The following KRT72 variants were observed in gnomAD, a reference collection of about 807,000 sequenced individuals.
The protein encoded by KRT72 is keratin 72.
A neutral mutation model predicts 44.7 loss-of-function variants in KRT72; 44 were observed. The observed-to-expected ratio is 0.98, with a 90% CI of 0.77 to 1.27. KRT72 has a LOEUF of 1.27. KRT72 is among the 50% of genes most tolerant of loss of function. The pLI is 0.00. For missense variants in KRT72, 736 were observed against 667.1 expected, an observed-to-expected ratio of 1.10 and a Z score of -1.14; for synonymous variants, 302 against 280.4, an observed-to-expected ratio of 1.08 and a Z score of -0.77.
At chr12:52,598,810 G>T (rs1592233112) in intron 2 of KRT72, 88 bp downstream of exon 2, 1 of 1,140,932 alleles carries the variant, frequency 8.8e-7, no homozygotes, top group East Asian at 2.4e-5. Flanking sequence ...GTATCAGCAA[G>T]GATCTCAGAA....
chr12:52,598,391 A>T (rs1326577250), intron 2 of KRT72, among the ~76,000 whole-genome samples: 2 of 152,236 alleles, frequency 1.3e-5, no homozygotes, highest in Admixed American at 6.5e-5. Context: ...TTGATTTATT[A>T]CTGTCTCATA....
At chr12:52,597,728 A>G (rs990982593) in intron 2 of KRT72, among the ~76,000 whole-genome samples, 6 of 152,186 alleles carry the variant, frequency 3.9e-5, no homozygotes, top group Admixed American at 3.9e-4. Flanking sequence ...TTTGTGTAGC[A>G]CTTGGATTCT....
chr12:52,595,927 C>T (rs887068896), intron 2 of KRT72, among the ~76,000 whole-genome samples: 2 of 138,572 alleles, frequency 1.4e-5, no homozygotes, highest in African/African-American at 2.9e-5. Context: ...TTAATTTTTG[C>T]TTTCAAAAAA....
At chr12:52,593,693 A>AG (rs1027305494) in intron 2 of KRT72, among the ~76,000 whole-genome samples, 3 of 151,998 alleles carry the variant, frequency 2.0e-5, no homozygotes, top group Non-Finnish European at 2.9e-5. Context: ...AGAAAGAAAA[A>AG]AAATTCTACA....
At chr12:52,598,811 G>T in intron 2 of KRT72, 87 bp downstream of exon 2, 1 of 1,155,128 alleles carries the variant, frequency 8.7e-7, no homozygotes. Context: ...TATCAGCAAG[G>T]ATCTCAGAAG....
chr12:52,586,913 C>T lies in KRT72; in HGVS notation c.1345+33G>A. The T allele has an allele frequency of 2.5e-6, 4 of 1,606,538 alleles. No individual in the cohort carries two copies. In the South Asian group the frequency reaches 3.3e-5, roughly 13 times the overall value. ...GGGACTCGGACTTCTGGTAAGGTGACCAAGGGCAGAACTGAGATCTGCAGA... is the reference window on the plus strand; with the variant it reads ...GGGACTCGGACTTCTGGTAAGGTGATCAAGGGCAGAACTGAGATCTGCAGA... On this transcript the variant is annotated intron_variant, in intron 8 of 8. Coordinates refer to ENST00000293745, the MANE Select transcript of KRT72 (RefSeq NM_080747.3).
At chr12:52,596,132 T>C (rs964114325) in intron 2 of KRT72, among the ~76,000 whole-genome samples, 10 of 152,272 alleles carry the variant, frequency 6.6e-5, no homozygotes, top group East Asian at 1.9e-4. Context: ...AACAAATAAG[T>C]TGTGTCAATC....
Position 52,585,778 on chromosome 12 carries a change from CAAG to C in KRT72, c.*201_*203del. ...AGGCAATGACCCAACGAAACGGGAC[CAAG>C]AAGGAGGCCACTGAGAGAGCTCCTG... On this transcript the variant is annotated 3_prime_UTR_variant, in exon 9 of 9. Transcript: ENST00000293745. 3 of 563,398 alleles carry C rather than the reference CAAG, an allele frequency of 5.3e-6. No homozygotes were observed. Among genetic ancestry groups the C allele is most frequent in the Middle Eastern group, 9.7e-4 (2 of 2,072 alleles). The allele number at this position is 563,398 out of a possible 1,614,324, so 34.9% of individuals were successfully genotyped here. A position where few individuals can be genotyped will look rare whatever the true frequency, so the allele number is the denominator to read the frequency against.
chr12:52,593,066 T>G, intron 2 of KRT72, 114 bp from the exon 3 acceptor site: 1 of 852,068 alleles, frequency 1.2e-6, no homozygotes, highest in Non-Finnish European at 1.8e-6. Flanking sequence ...GGGATTCCCA[T>G]ACCCCTGGGG....
In KRT72 at chr12:52,591,554, G is replaced by A. The variant is rs758019493; in HGVS notation, c.873C>T (p.Asp291=). The A allele has an allele frequency of 1.2e-6, 2 of 1,614,062 alleles. No individual in the cohort carries two copies. The highest frequency in any genetic ancestry group is 1.1e-5 in the South Asian group (1 of 91,074). Residue 291 remains aspartate, a synonymous_variant, in exon 5 of 9, where the codon GAC becomes GAT. Transcript: ENST00000293745. ...VLSMDNNRDL[D]LDSIIAEVRA... ...GGACCTCGGCAATGATGCTGTCCAG[G>A]TCCAGATCCCGGTTGTTGTCCATTG...
chr12:52,601,861 G>A (rs73320369), upstream of KRT72, among the ~76,000 whole-genome samples: 2,599 of 152,308 alleles, frequency 0.017, 58 homozygotes, highest in African/African-American at 0.059. Flanking sequence ...GGAGGTGTGT[G>A]AAGCAGAAGT....
chr12:52,598,341 T>A (rs1246518597), intron 2 of KRT72, among the ~76,000 whole-genome samples: 2 of 152,210 alleles, frequency 1.3e-5, no homozygotes, highest in Non-Finnish European at 2.9e-5. Context: ...AATCCTGGCA[T>A]CTGGAAGCAA....
Position 52,592,239 on chromosome 12 carries a change from A to G in KRT72, c.798+157T>C, listed in dbSNP as rs1296418057. Among the ~76,000 whole-genome samples, 9 of 152,072 alleles carry G rather than the reference A, an allele frequency of 5.9e-5. No individual in the cohort carries two copies. In the East Asian group the frequency reaches 1.7e-3, roughly 29 times the overall value. ...TCACGGACTCCTCAAAACCTAGCTC[A>G]TTGTTCAGCACCCAGTAGGGCCTTG... is the stretch of plus-strand genomic sequence containing the variant. On this transcript the variant is annotated intron_variant, in intron 4 of 8. Coordinates refer to ENST00000293745, the MANE Select transcript of KRT72 (RefSeq NM_080747.3).
At chr12:52,596,373 GAA>G (rs983984050) in intron 2 of KRT72, among the ~76,000 whole-genome samples, 1 of 151,968 alleles carries the variant, frequency 6.6e-6, no homozygotes, top group Admixed American at 6.6e-5. Flanking sequence ...AAGCCACTTA[GAA>G]AAAAATCTGC....
At position 52,587,507 on chromosome 12, in the gene KRT72, C is replaced by G. The variant is rs923891938; in HGVS notation, c.1310+124G>C. ...AACTTTGGCCTTCCTAATCATGTGA[C>G]AAGCCCATTTGCTGTATGGTTTTAC... On this transcript the variant is annotated intron_variant, in intron 7 of 8. Coordinates refer to ENST00000293745, the MANE Select transcript of KRT72 (RefSeq NM_080747.3). 7 of 1,032,414 alleles carry G rather than the reference C, an allele frequency of 6.8e-6. No homozygotes were observed. In the Admixed American group the frequency reaches 1.5e-4, roughly 22 times the overall value. The allele number at this position is 1,032,414 out of a possible 1,614,324, so 64.0% of individuals were successfully genotyped here. A position where few individuals can be genotyped will look rare whatever the true frequency, so the allele number is the denominator to read the frequency against.
chr12:52,594,050 T>C (rs1940150360), intron 2 of KRT72, among the ~76,000 whole-genome samples: 1 of 152,254 alleles, frequency 6.6e-6, no homozygotes, highest in Non-Finnish European at 1.5e-5. Context: ...TATATGTATT[T>C]TACCATAGTA....
At chr12:52,595,976 T>C (rs1940215446) in intron 2 of KRT72, among the ~76,000 whole-genome samples, 1 of 138,812 alleles carries the variant, frequency 7.2e-6, no homozygotes, top group African/African-American at 2.9e-5. Context: ...TGGTTAAACA[T>C]GATCTTTAAT....
intron 3 of KRT72, 137 bp downstream of exon 3, chr12:52,592,755 G>A: frequency 1.4e-6 from 1 of 737,452 alleles, no homozygotes; most frequent in Non-Finnish European, 2.3e-6. Flanking sequence ...GGAGGGAGGG[G>A]CTGGGAAGTT....
Position 52,585,902 on chromosome 12 carries a change from G to T in KRT72, c.*80C>A. On this transcript the variant is annotated 3_prime_UTR_variant, in exon 9 of 9. Coordinates refer to ENST00000293745, the MANE Select transcript of KRT72 (RefSeq NM_080747.3). Reference sequence around the variant, plus strand: ...TGACAGACAAAGCATTTCTTGACTTGGAAAGGGAGCCCAGGGAAGGAGAGG... The same window carrying T: ...TGACAGACAAAGCATTTCTTGACTTTGAAAGGGAGCCCAGGGAAGGAGAGG... The T allele has an allele frequency of 2.3e-6, 3 of 1,301,900 alleles. No individual in the cohort carries two copies. Among genetic ancestry groups the T allele is most frequent in the South Asian group, 2.7e-5 (2 of 74,278 alleles). The allele number at this position is 1,301,900 out of a possible 1,614,324, so 80.6% of individuals were successfully genotyped here. A position where few individuals can be genotyped will look rare whatever the true frequency, so the allele number is the denominator to read the frequency against.
Sources: gnomAD v4.1 joint callset for allele counts (sites outside exome capture counted in the v4.1 genomes callset) on GRCh38, gnomAD v4.1.1 for gene constraint, MANE v1.5 for transcripts, NCBI Gene and HGNC (gene_info 2026-07-23, HGNC 2026-07-21) for gene names.